Variants in CREB1 observed in about 807,000 individuals in gnomAD.
The protein encoded by CREB1 is cyclic AMP-responsive element-binding protein 1.
A neutral mutation model predicts 42.0 loss-of-function variants in CREB1; 2 were observed. That is an observed-to-expected ratio of 0.05 (90% CI 0.02 to 0.15). CREB1 has a LOEUF of 0.15. Among genes scored for constraint, CREB1 ranks in the 10% least tolerant of loss-of-function variants. The pLI is 1.00. For missense variants in CREB1, 199 were observed against 388.9 expected (o/e 0.51, Z 4.11); for synonymous variants, 123 against 139.9 (o/e 0.88, Z 0.85).
At chr2:207,544,208 A>T (rs1447060973) in intron 1 of CREB1, among the ~76,000 whole-genome samples, 1 of 152,056 alleles carries the variant, frequency 6.6e-6, no homozygotes, top group Non-Finnish European at 1.5e-5. Flanking sequence ...CCCGGCCAAA[A>T]TTTTTCTTTT....
At chr2:207,571,022 C>CTTTTTTTTTTTTTTTTTT (rs71036933) in intron 5 of CREB1, among the ~76,000 whole-genome samples, 2 of 68,450 alleles carry the variant, frequency 2.9e-5, no homozygotes, top group South Asian at 7.4e-4. Flanking sequence ...CTCTTTTTCC[C>CTTTTTTTTTTTTTTTTTT]TTTTTTTTTT....
intron 5 of CREB1, among the ~76,000 whole-genome samples, 167 bp from the exon 6 acceptor site, chr2:207,575,105 T>TG (rs1425814298): frequency 6.6e-6 from 1 of 152,216 alleles, no homozygotes; most frequent in Non-Finnish European, 1.5e-5. Context: ...AAGTTGAATA[T>TG]GGGTTTCCTG....
chr2:207,552,042 C>CACAAA (rs776851757), intron 1 of CREB1, among the ~76,000 whole-genome samples: 1 of 69,932 alleles, frequency 1.4e-5, no homozygotes, highest in African/African-American at 6.0e-5. Flanking sequence ...AACTCCGTCT[C>CACAAA]AAAAAAAAAA....
At chr2:207,546,342 CTG>C (rs1306857764) in intron 1 of CREB1, among the ~76,000 whole-genome samples, 4 of 152,184 alleles carry the variant, frequency 2.6e-5, no homozygotes, top group Non-Finnish European at 5.9e-5. Context: ...GCAAAACACA[CTG>C]TATGATACTG....
intron 3 of CREB1, among the ~76,000 whole-genome samples, chr2:207,563,356 G>A (rs1249697335): frequency 1.3e-5 from 2 of 152,092 alleles, no homozygotes; most frequent in East Asian, 1.9e-4. Context: ...GGAGTCTTCC[G>A]GAGTTTCAGC....
chr2:207,547,841 A>G (rs973485979), intron 1 of CREB1, among the ~76,000 whole-genome samples: 1 of 152,086 alleles, frequency 6.6e-6, no homozygotes, highest in Non-Finnish European at 1.5e-5. Flanking sequence ...AGAAAGCACT[A>G]CAGCTTTCTT....
At chr2:207,540,629 T>C (rs2081054849) in intron 1 of CREB1, among the ~76,000 whole-genome samples, 1 of 123,524 alleles carries the variant, frequency 8.1e-6, no homozygotes, top group Admixed American at 1.0e-4. Context: ...AGTGAGACCC[T>C]GTGTCAAAAA....
intron 1 of CREB1, among the ~76,000 whole-genome samples, chr2:207,533,664 A>G (rs1228933737): frequency 6.6e-6 from 1 of 152,170 alleles, no homozygotes; most frequent in East Asian, 1.9e-4. Context: ...TCAAATCTAA[A>G]TTTAAGAATG....
At chr2:207,562,177 C>T (rs1371324259) in intron 3 of CREB1, among the ~76,000 whole-genome samples, 2 of 152,178 alleles carry the variant, frequency 1.3e-5, no homozygotes, top group Non-Finnish European at 2.9e-5. Flanking sequence ...ACCATATGCT[C>T]CTCTTAGTAA....
chr2:207,575,109 T>C (rs1472414160), intron 5 of CREB1, among the ~76,000 whole-genome samples, 163 bp from the exon 6 acceptor site: 1 of 152,212 alleles, frequency 6.6e-6, no homozygotes, highest in Non-Finnish European at 1.5e-5. Flanking sequence ...TGAATATGGG[T>C]TTCCTGAGGA....
At position 207,605,884 on chromosome 2, in the gene CREB1, G is replaced by C. The variant is rs1264730608; in HGVS notation, c.*8826G>C. ...GATATTGTTTCCTAATGATTATTAGGTATCTGCTAAGCAATTTTTATTAAC... is the reference window on the plus strand; with the variant it reads ...GATATTGTTTCCTAATGATTATTAGCTATCTGCTAAGCAATTTTTATTAAC... On this transcript the variant is annotated 3_prime_UTR_variant, in exon 8 of 8. Transcript: ENST00000353267. 6.6e-6 allele frequency among the ~76,000 whole-genome samples: 1 copy of C among 152,150 alleles called. No individual in the cohort carries two copies. Among genetic ancestry groups the C allele is most frequent in the African/African-American group, 2.4e-5 (1 of 41,440 alleles).
At chr2:207,596,428 G>A (rs943693505) in intron 7 of CREB1, among the ~76,000 whole-genome samples, 1 of 152,112 alleles carries the variant, frequency 6.6e-6, no homozygotes, top group Non-Finnish European at 1.5e-5. Flanking sequence ...TGTTTATGGA[G>A]TTGTTTTTTT....
At chr2:207,570,894 A>G (rs1224476367) in intron 5 of CREB1, among the ~76,000 whole-genome samples, 10 of 152,028 alleles carry the variant, frequency 6.6e-5, no homozygotes, top group Non-Finnish European at 1.2e-4. Context: ...TTTCATTTCT[A>G]TGATGTCTCT....
chr2:207,581,658 TC>T (rs1035628741), intron 7 of CREB1: 109 of 469,376 alleles, frequency 2.3e-4, no homozygotes, highest in African/African-American at 2.1e-3. Flanking sequence ...AATACAGAGT[TC>T]CGGATACCCT....
intron 1 of CREB1, among the ~76,000 whole-genome samples, chr2:207,532,484 C>T (rs2080685410): frequency 6.6e-6 from 1 of 151,874 alleles, no homozygotes; most frequent in South Asian, 2.1e-4. Flanking sequence ...ACCATCCTGG[C>T]TAACATGGTG....
intron 1 of CREB1, among the ~76,000 whole-genome samples, chr2:207,554,444 A>C (rs2081635924): frequency 6.6e-6 from 1 of 152,234 alleles, no homozygotes; most frequent in Non-Finnish European, 1.5e-5. Context: ...TTGTGGAATC[A>C]CTAAAGGTAG....
At position 207,603,240 on chromosome 2, in the gene CREB1, CTATG is replaced by C; in HGVS notation, c.*6185_*6188del. 4.5e-6 allele frequency: 1 copy of C among 219,868 alleles called. No individual in the cohort carries two copies. Among genetic ancestry groups the C allele is most frequent in the South Asian group, 1.8e-4 (1 of 5,408 alleles). 13.6% of individuals were successfully genotyped at this position (219,868 alleles called of 1,614,324 possible). ...TGAGTTACAATGCATTTTATTAACA[CTATG>C]TACATAATAGCTGCTTTGTGTTCAG... On this transcript the variant is annotated 3_prime_UTR_variant, in exon 8 of 8. Coordinates refer to ENST00000353267, the MANE Select transcript of CREB1 (RefSeq NM_004379.5).
At position 207,567,473 on chromosome 2, in the gene CREB1, T is replaced by C. The variant is rs1462607842; in HGVS notation, c.272T>C (p.Ile91Thr). 1.2e-6 allele frequency: 2 copies of C among 1,608,046 alleles called. No homozygotes were observed. The highest frequency in any genetic ancestry group is 2.2e-5 in the East Asian group (1 of 44,726). The change falls in exon 4 of 8, where the codon ATT becomes ACT. Residue 91 changes from isoleucine to threonine, a missense_variant. Physicochemically the swap from Ile to Thr is moderately conservative, Grantham distance 89 (BLOSUM62 -1). This residue lies in a region of CREB1 where 66 missense variants were observed against 150.8 expected (regional missense o/e 0.44). Transcript: ENST00000353267. ...PQVQTVQIST[I>T]AESEDSQESV... ...TTTCTTTAATTTCAGATTTCAACTA[T>C]TGCAGAAAGTGAAGATTCACAGGAG...
chr2:207,601,482 G>A lies in CREB1; in HGVS notation c.*4424G>A, dbSNP rs181966687. On this transcript the variant is annotated 3_prime_UTR_variant, in exon 8 of 8. Coordinates refer to ENST00000353267, the MANE Select transcript of CREB1 (RefSeq NM_004379.5). ...ACTAGCCCAGTTAATTAAAAGACGG[G>A]CTCAAACCTTGTTTTATTCTTTTTC... 30 of 193,106 alleles carry A rather than the reference G, an allele frequency of 1.6e-4. No individual in the cohort carries two copies. The Admixed American group carries it at 1.8e-3, about 12-fold the overall frequency. The allele number at this position is 193,106 out of a possible 1,614,324, so 12.0% of individuals were successfully genotyped here. A position where few individuals can be genotyped will look rare whatever the true frequency, so the allele number is the denominator to read the frequency against.
Sources: gnomAD v4.1 joint callset for allele counts (sites outside exome capture counted in the v4.1 genomes callset) on GRCh38, gnomAD v4.1.1 for gene constraint, gnomAD v4.1.1 regional missense constraint, MANE v1.5 for transcripts, NCBI Gene and HGNC (gene_info 2026-07-23, HGNC 2026-07-21) for gene names.